Variants in RAPGEF6 observed in about 807,000 individuals in gnomAD.
RAPGEF6 encodes the protein Rap guanine nucleotide exchange factor 6.
In RAPGEF6, 56 loss-of-function variants were observed where a neutral mutation model predicts 171.4. The observed-to-expected ratio is 0.33, with a 90% CI of 0.26 to 0.41. The LOEUF is 0.41. RAPGEF6 is among the 10% of genes least tolerant of loss of function. The pLI is 1.00. For synonymous variants in RAPGEF6, 692 were observed against 650.1 expected, an observed-to-expected ratio of 1.06 and a Z score of -0.98; for missense variants, 1,674 against 1,921.4, an observed-to-expected ratio of 0.87 and a Z score of 2.41.
At chr5:131,548,241 T>G in intron 5 of RAPGEF6, 51 bp from the exon 6 acceptor site, 1 of 1,588,844 alleles carries the variant, frequency 6.3e-7, no homozygotes, top group Non-Finnish European at 8.6e-7. Context: ...TTCCATATTA[T>G]TGACAATCTA....
At chr5:131,499,930 G>T (rs1482017600) in intron 11 of RAPGEF6, among the ~76,000 whole-genome samples, 1 of 152,106 alleles carries the variant, frequency 6.6e-6, no homozygotes, top group African/African-American at 2.4e-5. Context: ...ACGGAGTCTG[G>T]CTCTGTCGCC....
intron 7 of RAPGEF6, among the ~76,000 whole-genome samples, chr5:131,515,488 A>G (rs952035541): frequency 1.3e-5 from 2 of 152,200 alleles, no homozygotes; most frequent in Non-Finnish European, 2.9e-5. Context: ...AAGAATTTCT[A>G]GAGTACTTCC....
At chr5:131,486,364 TTAGTC>T (rs1452644528) in intron 15 of RAPGEF6, among the ~76,000 whole-genome samples, 1 of 152,226 alleles carries the variant, frequency 6.6e-6, no homozygotes, top group Non-Finnish European at 1.5e-5. Context: ...TTTTTCATAT[TTAGTC>T]TAGCTCTTTT....
intron 15 of RAPGEF6, among the ~76,000 whole-genome samples, chr5:131,488,687 C>T (rs1653303725): frequency 6.6e-6 from 1 of 152,100 alleles, no homozygotes; most frequent in Non-Finnish European, 1.5e-5. Context: ...TATAAAAAGC[C>T]AAAGTGAAAA....
intron 5 of RAPGEF6, among the ~76,000 whole-genome samples, chr5:131,557,231 A>T (rs1172395173): frequency 7.6e-6 from 1 of 130,846 alleles, no homozygotes. Context: ...TCTTAAAAAT[A>T]TTGTCTCAAC....
chr5:131,614,973 C>T (rs1338255710), intron 1 of RAPGEF6, among the ~76,000 whole-genome samples: 1 of 152,198 alleles, frequency 6.6e-6, no homozygotes, highest in Non-Finnish European at 1.5e-5. Flanking sequence ...CAATCAGCAT[C>T]ATTTAGGAAC....
rs750424605 is a variant in RAPGEF6, at chr5:131,453,120, T to C, written c.3134A>G (p.Lys1045Arg). 1 of 1,614,020 alleles carries C rather than the reference T, an allele frequency of 6.2e-7. No homozygotes were observed. Among genetic ancestry groups the C allele is most frequent in the South Asian group, 1.1e-5 (1 of 91,050 alleles). ...CATTCGAACAACTTGGCGGATTTCC[T>C]TGGAAATCATTCTTAACTTCTCAAA... The part of the protein sequence containing the change: ...VNFEKLRMIS[K>R]EIRQVVRMTS... The change falls in exon 21 of 28, where the codon AAG becomes AGG. Residue 1045 changes from lysine (K) to arginine (R), a missense_variant. By Grantham distance (26) the Lys-to-Arg change is conservative (BLOSUM62 2). Around this residue, in one of 3 missense-constraint regions of RAPGEF6, gnomAD observed 1,116 missense variants for 1,321.5 expected, o/e 0.84. Transcript: ENST00000509018.
intron 13 of RAPGEF6, among the ~76,000 whole-genome samples, chr5:131,494,143 C>T (rs1756472964): frequency 6.6e-6 from 1 of 152,228 alleles, no homozygotes; most frequent in South Asian, 2.1e-4. Context: ...TCTCAATGAA[C>T]TAGGAACTAC....
intron 22 of RAPGEF6, among the ~76,000 whole-genome samples, chr5:131,444,651 A>G (rs571623594): frequency 6.9e-4 from 105 of 152,232 alleles, no homozygotes; most frequent in African/African-American, 2.3e-3. Context: ...AGGCCTAAAG[A>G]TTTTCTCATT....
chr5:131,433,221 G>A (rs897498816), intron 25 of RAPGEF6, among the ~76,000 whole-genome samples: 1 of 152,140 alleles, frequency 6.6e-6, no homozygotes, highest in Non-Finnish European at 1.5e-5. Context: ...CTTGAATTTA[G>A]TAACACTTTA....
chr5:131,629,590 CA>C (rs34845240), intron 1 of RAPGEF6, among the ~76,000 whole-genome samples: 158 of 117,008 alleles, frequency 1.4e-3, no homozygotes, highest in Middle Eastern at 4.5e-3. Context: ...CTCGTCTCTA[CA>C]AAAAAAAAAA....
intron 15 of RAPGEF6, among the ~76,000 whole-genome samples, chr5:131,485,523 C>T (rs1216151546): frequency 6.6e-6 from 1 of 152,182 alleles, no homozygotes; most frequent in African/African-American, 2.4e-5. Flanking sequence ...ATTCCTCAAG[C>T]CAGGCTTCTC....
At chr5:131,592,301 T>C in intron 4 of RAPGEF6, 82 bp downstream of exon 4, 1 of 1,528,900 alleles carries the variant, frequency 6.5e-7, no homozygotes, top group Admixed American at 2.0e-5. Flanking sequence ...AAAAGATGTA[T>C]CACTTACTGA....
rs186084933 is a variant in RAPGEF6 at position 131,471,081 on chromosome 5, A to C, written c.2239+1506T>G. Reference sequence around the variant, plus strand: ...CTTTACCCTTTCCGGTAAATAGTTTAATTAACTTTATACTTTGGTAACAAT... The same window carrying C: ...CTTTACCCTTTCCGGTAAATAGTTTCATTAACTTTATACTTTGGTAACAAT... On this transcript the variant is annotated intron_variant, in intron 17 of 27. Transcript: ENST00000509018. Among the ~76,000 whole-genome samples, 32 of 152,308 alleles carry C rather than the reference A, an allele frequency of 2.1e-4. 1 individual carries two copies. The highest frequency in any genetic ancestry group is 1.9e-3 in the Admixed American group (29 of 15,304).
chr5:131,559,565 T>C (rs1338696385), intron 5 of RAPGEF6, among the ~76,000 whole-genome samples: 11 of 152,134 alleles, frequency 7.2e-5, no homozygotes, highest in African/African-American at 2.7e-4. Context: ...GGCTCACACC[T>C]GTAAGTCCAA....
chr5:131,472,555 T>G, intron 17 of RAPGEF6, 32 bp downstream of exon 17: 1 of 1,597,264 alleles, frequency 6.3e-7, no homozygotes, highest in Non-Finnish European at 8.6e-7. Flanking sequence ...TTGGTACCAA[T>G]ACGGCAATAT....
intron 1 of RAPGEF6, among the ~76,000 whole-genome samples, chr5:131,609,181 A>G (rs954750164): frequency 3.3e-5 from 5 of 152,182 alleles, no homozygotes; most frequent in African/African-American, 1.2e-4. Context: ...TGGCCAATCT[A>G]GAATCTTCCA....
chr5:131,443,939 T>C (rs553141762), intron 22 of RAPGEF6, among the ~76,000 whole-genome samples: 1 of 152,252 alleles, frequency 6.6e-6, no homozygotes, highest in African/African-American at 2.4e-5. Flanking sequence ...TGAATATGAA[T>C]GTGAGAATAA....
intron 1 of RAPGEF6, among the ~76,000 whole-genome samples, chr5:131,627,922 GT>G (rs1276182986): frequency 1.3e-5 from 2 of 152,146 alleles, no homozygotes; most frequent in Non-Finnish European, 2.9e-5. Flanking sequence ...TACTGTAATT[GT>G]TTTGGGGCAC....
Sources: gnomAD v4.1 joint callset for allele counts (sites outside exome capture counted in the v4.1 genomes callset) on GRCh38, gnomAD v4.1.1 for gene constraint, gnomAD v4.1.1 regional missense constraint, MANE v1.5 for transcripts, NCBI Gene and HGNC (gene_info 2026-07-23, HGNC 2026-07-21) for gene names.